The following LAMA2 variants were observed in gnomAD, a reference collection of about 807,000 sequenced individuals.
LAMA2 encodes the protein laminin subunit alpha 2, also known as laminin subunit alpha-2.
Under a neutral mutation model 364.8 loss-of-function variants are expected in LAMA2, and 269 were observed. That is an observed-to-expected ratio of 0.74 (90% CI 0.67 to 0.82). The LOEUF is 0.82. Among genes scored for constraint, LAMA2 ranks in the 40% least tolerant of loss-of-function variants. The probability of loss-of-function intolerance (pLI) is 0.00; values close to 1 mark genes in which losing one functional copy is unlikely to be tolerated. For missense variants in LAMA2, 3,807 were observed against 3,873.2 expected (o/e 0.98, Z 0.45); for synonymous variants, 1,379 against 1,370.6 (o/e 1.01, Z -0.14).
intron 9 of LAMA2, among the ~76,000 whole-genome samples, chr6:129,167,990 C>T (rs1373090971): frequency 1.3e-4 from 20 of 150,844 alleles, no homozygotes; most frequent in Middle Eastern, 3.4e-3. Flanking sequence ...TCATGTCCTT[C>T]GCCCACTTGT....
chr6:129,173,990 A>G (rs1296528920), intron 9 of LAMA2, among the ~76,000 whole-genome samples: 1 of 152,106 alleles, frequency 6.6e-6, no homozygotes, highest in Non-Finnish European at 1.5e-5. Context: ...CAGTTTTCAG[A>G]TTTGCTTTGT....
At chr6:129,194,395 C>A (rs1050740274) in intron 12 of LAMA2, among the ~76,000 whole-genome samples, 3 of 151,970 alleles carry the variant, frequency 2.0e-5, no homozygotes, top group African/African-American at 7.2e-5. Context: ...GGCTGACAAT[C>A]AAACTGACAG....
chr6:129,457,034 C>G (rs939865499), intron 48 of LAMA2, among the ~76,000 whole-genome samples: 23 of 152,184 alleles, frequency 1.5e-4, no homozygotes, highest in East Asian at 3.9e-4. Context: ...AGAATGCCTG[C>G]CTTTTAAAGA....
At chr6:129,403,003 G>C (rs1780061863) in intron 39 of LAMA2, among the ~76,000 whole-genome samples, 1 of 152,110 alleles carries the variant, frequency 6.6e-6, no homozygotes, top group Non-Finnish European at 1.5e-5. Flanking sequence ...TTCTAGCTGG[G>C]ATTATTACAA....
chr6:129,288,093 T>A, intron 19 of LAMA2, 35 bp downstream of exon 19: 2 of 1,565,206 alleles, frequency 1.3e-6, no homozygotes, highest in Non-Finnish European at 1.8e-6. Context: ...CTGACAGAAT[T>A]GATGTATTGT....
intron 3 of LAMA2, among the ~76,000 whole-genome samples, chr6:129,062,307 G>A (rs1788975189): frequency 6.6e-6 from 1 of 152,076 alleles, no homozygotes. Flanking sequence ...CAGTGACTTG[G>A]CCTTCTTTCT....
chr6:128,908,765 G>A lies in LAMA2; in HGVS notation c.112+25408G>A, dbSNP rs1385521671. ...TTGGATCTTTCCTGCTGTCTCTTGT[G>A]GGCATTTAGTGCTATAAATTTCCCT... On this transcript the variant is annotated intron_variant, in intron 1 of 64. Transcript: ENST00000421865. Among the ~76,000 whole-genome samples, 22 of 148,642 alleles carry A rather than the reference G, an allele frequency of 1.5e-4. 1 individual carries two copies. The highest frequency in any genetic ancestry group is 2.2e-4 in the Non-Finnish European group (15 of 67,232).
chr6:129,019,036 C>T (rs950342801), intron 1 of LAMA2, among the ~76,000 whole-genome samples: 1 of 152,048 alleles, frequency 6.6e-6, no homozygotes, highest in African/African-American at 2.4e-5. Flanking sequence ...CTATGTTCTG[C>T]CTGAATTAGG....
chr6:128,951,241 A>G (rs1001706173), intron 1 of LAMA2, among the ~76,000 whole-genome samples: 1 of 150,942 alleles, frequency 6.6e-6, no homozygotes, highest in Non-Finnish European at 1.5e-5. Context: ...CTCATTTTTT[A>G]TTATTAAAAA....
intron 42 of LAMA2, among the ~76,000 whole-genome samples, chr6:129,440,088 A>C (rs1296225720): frequency 6.6e-6 from 1 of 152,090 alleles, no homozygotes; most frequent in African/African-American, 2.4e-5. Flanking sequence ...ACTGAAGGCC[A>C]TTGTTAAAAG....
At chr6:129,406,784 G>T (rs548201498) in intron 40 of LAMA2, among the ~76,000 whole-genome samples, 3 of 152,218 alleles carry the variant, frequency 2.0e-5, no homozygotes, top group Middle Eastern at 6.8e-3. Flanking sequence ...AAGAAGGGGG[G>T]TTTACTAAGG....
chr6:129,112,717 T>C (rs1428850788), intron 4 of LAMA2, among the ~76,000 whole-genome samples: 1 of 150,562 alleles, frequency 6.6e-6, no homozygotes, highest in Non-Finnish European at 1.5e-5. Flanking sequence ...GGTTACAAGA[T>C]TACAGAGAGA....
chr6:129,455,391 C>T (rs11154480), intron 47 of LAMA2, among the ~76,000 whole-genome samples: 65,753 of 151,598 alleles, frequency 0.43, 14,328 homozygotes, highest in South Asian at 0.46. Flanking sequence ...AGTACTTAAC[C>T]GGGTTTAAGG....
chr6:129,082,352 A>G (rs1252686063), intron 3 of LAMA2, among the ~76,000 whole-genome samples: 1 of 152,094 alleles, frequency 6.6e-6, no homozygotes, highest in Non-Finnish European at 1.5e-5. Context: ...TACAGATGTT[A>G]TTCCCTGATT....
chr6:129,137,406 G>A (rs1297368855), intron 4 of LAMA2, among the ~76,000 whole-genome samples: 1 of 151,984 alleles, frequency 6.6e-6, no homozygotes, highest in Non-Finnish European at 1.5e-5. Flanking sequence ...TTCTTTTTGT[G>A]ATAAAAATAT....
chr6:129,100,637 CT>C (rs1040525577), intron 4 of LAMA2, among the ~76,000 whole-genome samples: 1 of 152,134 alleles, frequency 6.6e-6, no homozygotes. Flanking sequence ...TAAAAGTTGA[CT>C]TTTAAAAGTT....
In LAMA2 at chr6:129,466,597, G is replaced by A. The variant is rs552764747; in HGVS notation, c.7300+1308G>A. Reference sequence around the variant, plus strand: ...CACAATGCACATTTGCATGTCAGAAGCTCTGTGTAGTTAGTTGTTCAGTAA... The same window carrying A: ...CACAATGCACATTTGCATGTCAGAAACTCTGTGTAGTTAGTTGTTCAGTAA... On this transcript the variant is annotated intron_variant, in intron 51 of 64. Coordinates refer to ENST00000421865, the MANE Select transcript of LAMA2 (RefSeq NM_000426.4). Among the ~76,000 whole-genome samples, 8 of 152,052 alleles carry A rather than the reference G, an allele frequency of 5.3e-5. No individual in the cohort carries two copies. In the East Asian group the frequency reaches 9.7e-4, roughly 18 times the overall value.
At chr6:129,485,003 G>C (rs1784524761) in intron 55 of LAMA2, among the ~76,000 whole-genome samples, 1 of 152,114 alleles carries the variant, frequency 6.6e-6, no homozygotes, top group African/African-American at 2.4e-5. Flanking sequence ...AGTAGAGGGA[G>C]AAAAGTGTTA....
chr6:129,262,859 C>T (rs1462032485), intron 15 of LAMA2, among the ~76,000 whole-genome samples: 1 of 152,060 alleles, frequency 6.6e-6, no homozygotes, highest in Admixed American at 6.6e-5. Flanking sequence ...TTGCTGAGAA[C>T]CTCTGGCCAA....
Sources: gnomAD v4.1 joint callset for allele counts (sites outside exome capture counted in the v4.1 genomes callset) on GRCh38, gnomAD v4.1.1 for gene constraint, MANE v1.5 for transcripts, NCBI Gene and HGNC (gene_info 2026-07-23, HGNC 2026-07-21) for gene names.